NEO1: variants seen among roughly 807,000 people sequenced by gnomAD.
NEO1 encodes the protein neogenin.
A neutral mutation model predicts 159.7 loss-of-function variants in NEO1; 63 were observed. The observed-to-expected ratio is 0.39, with a 90% CI of 0.32 to 0.49. The LOEUF (loss-of-function observed/expected upper bound fraction) is 0.49. Among genes scored for constraint, NEO1 ranks in the 20% least tolerant of loss-of-function variants. The pLI, the probability that NEO1 is intolerant of heterozygous loss-of-function variation, is 0.85. For synonymous variants in NEO1, 633 were observed against 662.0 expected (o/e 0.96, Z 0.67); for missense variants, 1,615 against 1,831.0 (o/e 0.88, Z 2.15).
chr15:73,195,188 A>G (rs936064453), intron 7 of NEO1, among the ~76,000 whole-genome samples: 1 of 152,200 alleles, frequency 6.6e-6, no homozygotes, highest in Non-Finnish European at 1.5e-5. Flanking sequence ...TTGAATTTGA[A>G]TTTGATGCTA....
At chr15:73,154,418 G>T (rs1372450754) in intron 5 of NEO1, among the ~76,000 whole-genome samples, 1 of 152,058 alleles carries the variant, frequency 6.6e-6, no homozygotes, top group Non-Finnish European at 1.5e-5. Flanking sequence ...TAGTCACCTT[G>T]TTTTGCCATC....
At chr15:73,238,433 T>G (rs893817441) in intron 8 of NEO1, among the ~76,000 whole-genome samples, 5 of 151,972 alleles carry the variant, frequency 3.3e-5, no homozygotes, top group Non-Finnish European at 5.9e-5. Flanking sequence ...TTTATTAAGT[T>G]AATACATTAA....
At chr15:73,121,688 A>G (rs1005254447) in intron 2 of NEO1, among the ~76,000 whole-genome samples, 2 of 152,072 alleles carry the variant, frequency 1.3e-5, no homozygotes, top group Non-Finnish European at 2.9e-5. Context: ...CTATAAGGCA[A>G]AGCTTTTCCT....
chr15:73,284,137 A>G (rs918363708), intron 23 of NEO1, among the ~76,000 whole-genome samples: 5 of 150,966 alleles, frequency 3.3e-5, no homozygotes, highest in Non-Finnish European at 5.9e-5. Context: ...CATTCAACTC[A>G]GATATCTGGT....
chr15:73,288,481 C>T lies in NEO1; in HGVS notation c.3579C>T (p.Asn1193=). Residue 1193 remains asparagine, a synonymous_variant, in exon 24 of 29, where the codon AAC becomes AAT. Coordinates refer to ENST00000261908, the MANE Select transcript of NEO1 (RefSeq NM_002499.4). ...TGACTGATACTCCAATTCCTCGCAA[C>T]TCTCAAGATATCACACCAGTTGACA... is the stretch of plus-strand genomic sequence containing the variant. ...PIMTDTPIPR[N]SQDITPVDNS... 4.3e-6 allele frequency: 7 copies of T among 1,614,172 alleles called. No individual in the cohort carries two copies. The highest frequency in any genetic ancestry group is 5.9e-6 in the Non-Finnish European group (7 of 1,180,032).
intron 5 of NEO1, among the ~76,000 whole-genome samples, chr15:73,157,843 A>G (rs1046421470): frequency 4.6e-5 from 4 of 87,034 alleles, no homozygotes; most frequent in African/African-American, 1.5e-4. Flanking sequence ...AACTTTAACA[A>G]TTCCTACATC....
chr15:73,144,537 C>G (rs1322433290), intron 5 of NEO1, among the ~76,000 whole-genome samples: 1 of 152,114 alleles, frequency 6.6e-6, no homozygotes, highest in Admixed American at 6.5e-5. Flanking sequence ...TTTGTTTTGC[C>G]TTCATGGGCA....
intron 14 of NEO1, 145 bp downstream of exon 14, chr15:73,259,021 A>C: frequency 1.6e-6 from 1 of 643,618 alleles, no homozygotes; most frequent in Non-Finnish European, 2.7e-6. Flanking sequence ...CCTGTATTGC[A>C]TCGAGGCTGC....
rs137897911 is a variant in NEO1, at chr15:73,296,436, A to G, written c.3902-1912A>G. Among the ~76,000 whole-genome samples, 479 of 152,228 alleles carry G rather than the reference A, an allele frequency of 3.1e-3. 2 individuals are homozygous for G. The highest frequency in any genetic ancestry group is 5.0e-3 in the Non-Finnish European group (340 of 68,008). ...CCCTTTAAGGGGTGAGGAGTGACCT[A>G]AGCCTGGTAGGGCCAACATAGTTAG... On this transcript the variant is annotated intron_variant, in intron 26 of 28. Coordinates refer to ENST00000261908, the MANE Select transcript of NEO1 (RefSeq NM_002499.4).
Position 73,061,512 on chromosome 15 carries a change from G to T in NEO1, c.130+8707G>T, listed in dbSNP as rs571221475. 3.8e-3 allele frequency among the ~76,000 whole-genome samples: 581 copies of T among 152,334 alleles called. 5 individuals carry two copies. Among genetic ancestry groups the T allele is most frequent in the African/African-American group, 0.013 (556 of 41,578 alleles). On this transcript the variant is annotated intron_variant, in intron 1 of 28. Coordinates refer to ENST00000261908, the MANE Select transcript of NEO1 (RefSeq NM_002499.4). Reference sequence around the variant, plus strand: ...AAGTGTGACCAGGAGGGGAGGTGAGGTGGCAGGGTATGGTTCCTACCCCTC... The same window carrying T: ...AAGTGTGACCAGGAGGGGAGGTGAGTTGGCAGGGTATGGTTCCTACCCCTC...
intron 1 of NEO1, 87 bp from the exon 2 acceptor site, chr15:73,116,453 A>G (rs1596033356): frequency 1.8e-6 from 2 of 1,110,580 alleles, no homozygotes; most frequent in East Asian, 5.0e-5. Context: ...AACAGTTAAT[A>G]ATTTTTGGAC....
At chr15:73,228,259 G>A (rs1467641124) in intron 7 of NEO1, among the ~76,000 whole-genome samples, 1 of 152,126 alleles carries the variant, frequency 6.6e-6, no homozygotes, top group Non-Finnish European at 1.5e-5. Context: ...TTAGAGTCAG[G>A]CTGGTTGCTT....
chr15:73,097,704 A>G (rs1028765583), intron 1 of NEO1, among the ~76,000 whole-genome samples: 19 of 147,226 alleles, frequency 1.3e-4, no homozygotes, highest in African/African-American at 4.6e-4. Flanking sequence ...GTGGCCATTG[A>G]TAGTTTTATT....
chr15:73,081,389 A>G (rs890744643), intron 1 of NEO1, among the ~76,000 whole-genome samples: 1 of 152,216 alleles, frequency 6.6e-6, no homozygotes, highest in Non-Finnish European at 1.5e-5. Flanking sequence ...AAATAGAAGT[A>G]TAATGTTCTG....
At chr15:73,130,807 G>C (rs141547960) in intron 4 of NEO1, among the ~76,000 whole-genome samples, 41 of 152,336 alleles carry the variant, frequency 2.7e-4, no homozygotes, top group Middle Eastern at 6.8e-3. Context: ...GCCCAGCGGA[G>C]AGTCAAAGCT....
chr15:73,195,883 A>G (rs1254565301), intron 7 of NEO1, among the ~76,000 whole-genome samples: 6 of 152,220 alleles, frequency 3.9e-5, no homozygotes, highest in Non-Finnish European at 5.9e-5. Context: ...AATCTCAGGA[A>G]ATAAAAACTG....
intron 7 of NEO1, among the ~76,000 whole-genome samples, chr15:73,216,229 A>G (rs1430868320): frequency 6.6e-6 from 1 of 152,136 alleles, no homozygotes; most frequent in Non-Finnish European, 1.5e-5. Context: ...GATGATTTCT[A>G]ATTTCATCCG....
At chr15:73,158,609 T>C (rs1282104177) in intron 5 of NEO1, among the ~76,000 whole-genome samples, 2 of 152,088 alleles carry the variant, frequency 1.3e-5, no homozygotes, top group East Asian at 3.9e-4. Context: ...AGGCTGGTCT[T>C]GAAATCCTGG....
At chr15:73,251,332 A>G (rs1170430251) in intron 11 of NEO1, among the ~76,000 whole-genome samples, 1 of 151,882 alleles carries the variant, frequency 6.6e-6, no homozygotes, top group African/African-American at 2.4e-5. Flanking sequence ...ACAACATGAC[A>G]AAACGCCATC....
Sources: gnomAD v4.1 joint callset for allele counts (sites outside exome capture counted in the v4.1 genomes callset) on GRCh38, gnomAD v4.1.1 for gene constraint, MANE v1.5 for transcripts, NCBI Gene and HGNC (gene_info 2026-07-23, HGNC 2026-07-21) for gene names.